Variants in GNL3L observed in about 807,000 individuals in gnomAD.
GNL3L encodes G protein nucleolar 3 like.
A neutral mutation model predicts 42.9 loss-of-function variants in GNL3L; 4 were observed. The observed-to-expected ratio is 0.09, with a 90% confidence interval of 0.05 to 0.21. The LOEUF is 0.21. Ranked by LOEUF, GNL3L falls within the 10% of genes least tolerant of loss-of-function variation. The probability of loss-of-function intolerance (pLI) is 1.00; values close to 1 mark genes in which losing one functional copy is unlikely to be tolerated. For synonymous variants in GNL3L, 159 were observed against 176.3 expected (o/e 0.90, Z 0.78); for missense variants, 412 against 481.7 (o/e 0.86, Z 1.36).
chrX:54,562,077 G>A lies in GNL3L; in HGVS notation c.*1475G>A, dbSNP rs1178997417. 8.9e-6 allele frequency among the ~76,000 whole-genome samples: 1 copy of A among 111,755 alleles called. No individual in the cohort carries two copies. The highest frequency in any genetic ancestry group is 3.3e-5 in the African/African-American group (1 of 30,769). ...AGCTGCACCTTTATTTATTTATTTT[G>A]CTCTGTTGCCCAGGCTGGAGTGCAA... On this transcript the variant is annotated 3_prime_UTR_variant, in exon 16 of 16. Coordinates refer to ENST00000360845, the MANE Select transcript of GNL3L (RefSeq NM_001184819.2).
At chrX:54,531,992 G>A (rs763673668) in intron 1 of GNL3L, among the ~76,000 whole-genome samples, 55 of 110,407 alleles carry the variant, frequency 5.0e-4, no homozygotes, top group African/African-American at 1.8e-3. Flanking sequence ...AAGAATCCCT[G>A]TTCTCAGGCC....
chrX:54,592,444 G>A (rs1925883006), intron 16 of GNL3L, among the ~76,000 whole-genome samples: 1 of 111,839 alleles, frequency 8.9e-6, no homozygotes, highest in South Asian at 3.7e-4. Context: ...CTAGCTGTGG[G>A]TCTTTTGTAT....
chrX:54,536,861 A>C (rs1342327252), intron 2 of GNL3L, among the ~76,000 whole-genome samples: 1 of 109,415 alleles, frequency 9.1e-6, no homozygotes, highest in East Asian at 2.9e-4. Context: ...AAAGGAAAGA[A>C]AGGAAAGAAA....
chrX:54,637,541 A>T, the GNL3L span, among the ~76,000 whole-genome samples: 1 of 112,238 alleles, frequency 8.9e-6, no homozygotes, highest in African/African-American at 3.2e-5. Flanking sequence ...AGTAGTTCCC[A>T]ATACTGGTCT....
chrX:54,547,342 A>C (rs1211823014), intron 8 of GNL3L, among the ~76,000 whole-genome samples: 1 of 111,529 alleles, frequency 9.0e-6, no homozygotes, highest in African/African-American at 3.3e-5. Flanking sequence ...ATTCCACTTT[A>C]AGGCTACAGC....
chrX:54,641,853 A>G, the GNL3L span, among the ~76,000 whole-genome samples: 1 of 111,515 alleles, frequency 9.0e-6, no homozygotes, highest in South Asian at 3.9e-4. Context: ...GAATCAGGTC[A>G]AGTGCCTGTT....
At chrX:54,549,749 C>T (rs1924879565) in intron 9 of GNL3L, among the ~76,000 whole-genome samples, 1 of 112,316 alleles carries the variant, frequency 8.9e-6, no homozygotes, top group African/African-American at 3.2e-5. Context: ...TGCCCACATA[C>T]ACTTTGACCC....
At chrX:54,610,303 C>G (rs1235366835) in intron 16 of GNL3L, among the ~76,000 whole-genome samples, 2 of 111,144 alleles carry the variant, frequency 1.8e-5, no homozygotes, top group African/African-American at 6.5e-5. Context: ...CAAACAGTGA[C>G]AGTTTGACTT....
the GNL3L span, among the ~76,000 whole-genome samples, chrX:54,628,839 T>G: frequency 1.9e-5 from 2 of 108,040 alleles, no homozygotes; most frequent in African/African-American, 6.7e-5. Context: ...TTTTGCTTAT[T>G]TCTTTTGCTG....
intron 16 of GNL3L, among the ~76,000 whole-genome samples, chrX:54,614,506 C>G (rs987125057): frequency 5.3e-4 from 59 of 111,221 alleles, no homozygotes; most frequent in African/African-American, 1.9e-3. Flanking sequence ...AGCTTTACCC[C>G]CTGCTCCTCT....
chrX:54,626,336 C>T (rs1569542759), downstream of GNL3L, among the ~76,000 whole-genome samples: 3 of 111,465 alleles, frequency 2.7e-5, no homozygotes, highest in African/African-American at 9.8e-5. Flanking sequence ...GTAGGCTTGC[C>T]CATGTTGCCA....
chrX:54,569,500 G>A (rs1432472040), downstream of GNL3L, among the ~76,000 whole-genome samples: 2 of 111,755 alleles, frequency 1.8e-5, no homozygotes, highest in Non-Finnish European at 3.8e-5. Context: ...TTATCATTTT[G>A]TATAAATTGT....
chrX:54,639,935 T>A, the GNL3L span, among the ~76,000 whole-genome samples: 4 of 99,614 alleles, frequency 4.0e-5, no homozygotes, highest in Non-Finnish European at 6.2e-5. Flanking sequence ...GAGGGAGGAG[T>A]CTTGGACTCT....
the GNL3L span, among the ~76,000 whole-genome samples, chrX:54,639,478 CG>C: frequency 8.9e-6 from 1 of 111,852 alleles, no homozygotes; most frequent in East Asian, 2.8e-4. Flanking sequence ...GCTCACGGGG[CG>C]GGGCTTCGAT....
chrX:54,563,431 G>C lies in GNL3L; in HGVS notation c.*2829G>C, dbSNP rs745811156. On this transcript the variant is annotated 3_prime_UTR_variant, in exon 16 of 16. Transcript: ENST00000360845. ...GAAGTATCTAAATGAGTAAGAAACA[G>C]CATGGGAGCATAATTTGGCCAAAAT... Among the ~76,000 whole-genome samples the C allele has an allele frequency of 1.8e-5, 2 of 111,502 alleles. No homozygotes were observed. The highest frequency in any genetic ancestry group is 5.6e-4 in the East Asian group (2 of 3,554).
At chrX:54,582,808 C>A (rs905716670) in intron 16 of GNL3L, among the ~76,000 whole-genome samples, 8 of 111,910 alleles carry the variant, frequency 7.1e-5, no homozygotes, top group African/African-American at 2.6e-4. Flanking sequence ...GTCTCCAACT[C>A]CTGGCCTCAA....
intron 16 of GNL3L, among the ~76,000 whole-genome samples, chrX:54,592,231 A>T (rs1057261785): frequency 8.9e-6 from 1 of 112,089 alleles, no homozygotes; most frequent in Non-Finnish European, 1.9e-5. Context: ...GGTTTTTCCA[A>T]CTATAAAACC....
At chrX:54,588,147 C>G (rs1296469989) in intron 16 of GNL3L, among the ~76,000 whole-genome samples, 2 of 111,939 alleles carry the variant, frequency 1.8e-5, no homozygotes, top group Non-Finnish European at 3.8e-5. Context: ...ATTATCATGT[C>G]CTCTGCAAAT....
rs1569542571 is a variant in GNL3L, at chrX:54,607,006, T to TTCTTTC, written c.*46-13837_*46-13832dup. 6.4e-3 allele frequency among the ~76,000 whole-genome samples: 235 copies of TTCTTTC among 36,678 alleles called. 7 individuals carry two copies. The highest frequency in any genetic ancestry group is 0.023 in the Middle Eastern group (2 of 87). 31.9% of individuals were successfully genotyped at this position (36,678 alleles called of 115,157 possible). On this transcript the variant is annotated intron_variant, in intron 16 of 16. Coordinates refer to the GNL3L transcript ENST00000674498. ...CTTTCCTTTCCTTTCCTTTCTTTCT[T>TTCTTTC]TCTTTCTTTCTTTCTTTCTTTCTTT...
Sources: gnomAD v4.1 joint callset for allele counts (sites outside exome capture counted in the v4.1 genomes callset) on GRCh38, gnomAD v4.1.1 for gene constraint, MANE v1.5 for transcripts, NCBI Gene and HGNC (gene_info 2026-07-23, HGNC 2026-07-21) for gene names.